DLGAP1: variants seen among roughly 807,000 people sequenced by gnomAD.
DLGAP1 encodes disks large-associated protein 1.
DLGAP1 carries 11 observed loss-of-function variants against 90.8 expected under a neutral mutation model. That is an observed-to-expected ratio of 0.12 (90% CI 0.08 to 0.20). The LOEUF (loss-of-function observed/expected upper bound fraction) is 0.20. DLGAP1 is among the 10% of genes least tolerant of loss of function. The probability of loss-of-function intolerance (pLI) is 1.00; values close to 1 mark genes in which losing one functional copy is unlikely to be tolerated. For synonymous variants in DLGAP1, 558 were observed against 540.7 expected (o/e 1.03, Z -0.44); for missense variants, 1,050 against 1,333.8 (o/e 0.79, Z 3.31).
At chr18:3,584,822 G>A (rs184165168) in intron 7 of DLGAP1, among the ~76,000 whole-genome samples, 43 of 152,254 alleles carry the variant, frequency 2.8e-4, no homozygotes, top group African/African-American at 9.4e-4. Context: ...CACGATCATG[G>A]CTCACTGCAG....
intron 3 of DLGAP1, among the ~76,000 whole-genome samples, chr18:4,003,285 G>A (rs2074234674): frequency 2.0e-5 from 3 of 152,148 alleles, no homozygotes; most frequent in African/African-American, 7.2e-5. Flanking sequence ...AATTGGCCAT[G>A]GGTCCAGATC....
At chr18:3,582,373 G>T in intron 7 of DLGAP1, 125 bp from the exon 8 acceptor site, 1 of 1,437,096 alleles carries the variant, frequency 7.0e-7, no homozygotes, top group Non-Finnish European at 9.3e-7. Flanking sequence ...AGGAAAACAA[G>T]TTCCATTGAC....
intron 3 of DLGAP1, among the ~76,000 whole-genome samples, chr18:3,952,045 G>A (rs773399213): frequency 2.0e-5 from 3 of 152,118 alleles, no homozygotes; most frequent in African/African-American, 7.2e-5. Context: ...AACACAGGAT[G>A]GTAGAAAAAC....
intron 1 of DLGAP1, among the ~76,000 whole-genome samples, chr18:4,347,596 A>T (rs2143933761): frequency 6.6e-6 from 1 of 152,150 alleles, no homozygotes; most frequent in Admixed American, 6.5e-5. Context: ...TATATGCTGA[A>T]AGGCCTTAAT....
intron 1 of DLGAP1, among the ~76,000 whole-genome samples, chr18:4,359,624 C>T (rs1295189503): frequency 1.3e-5 from 2 of 152,124 alleles, no homozygotes; most frequent in African/African-American, 4.8e-5. Context: ...AAGACCTCAG[C>T]CATGGACCTA....
chr18:4,179,779 C>T (rs913827498), intron 1 of DLGAP1, among the ~76,000 whole-genome samples: 21 of 152,288 alleles, frequency 1.4e-4, no homozygotes, highest in African/African-American at 5.1e-4. Context: ...ATCAAAACTT[C>T]TGGCAACTTG....
intron 3 of DLGAP1, among the ~76,000 whole-genome samples, chr18:3,950,642 C>T (rs2072967602): frequency 6.6e-6 from 1 of 152,192 alleles, no homozygotes; most frequent in South Asian, 2.1e-4. Context: ...GAGAACAGAA[C>T]TTCTCAAGCT....
intron 3 of DLGAP1, among the ~76,000 whole-genome samples, chr18:3,937,726 T>A (rs939497242): frequency 2.0e-5 from 3 of 152,194 alleles, no homozygotes; most frequent in Non-Finnish European, 4.4e-5. Flanking sequence ...TGCTGTTTCC[T>A]TATAGGAAGT....
At chr18:3,769,269 G>A (rs982552824) in intron 5 of DLGAP1, among the ~76,000 whole-genome samples, 2 of 152,116 alleles carry the variant, frequency 1.3e-5, no homozygotes, top group African/African-American at 4.8e-5. Flanking sequence ...AGGATTCAAC[G>A]AAAAGGGATC....
chr18:3,728,341 G>A (rs2062271588), intron 7 of DLGAP1, among the ~76,000 whole-genome samples: 3 of 143,216 alleles, frequency 2.1e-5, no homozygotes, highest in Admixed American at 7.0e-5. Context: ...TGTTTCATAT[G>A]CACGCATTGT....
intron 8 of DLGAP1, among the ~76,000 whole-genome samples, chr18:3,570,120 G>T (rs2054680541): frequency 6.6e-6 from 1 of 151,868 alleles, no homozygotes; most frequent in Admixed American, 6.6e-5. Context: ...CTACCTCCCA[G>T]GTTTGTGTAA....
chr18:3,966,622 C>A (rs2073338103), intron 3 of DLGAP1, among the ~76,000 whole-genome samples: 1 of 152,132 alleles, frequency 6.6e-6, no homozygotes, highest in South Asian at 2.1e-4. Flanking sequence ...AAATCCAAGA[C>A]AATGCTTAAG....
chr18:3,506,235 C>T (rs1404292803), intron 11 of DLGAP1, among the ~76,000 whole-genome samples: 11 of 151,770 alleles, frequency 7.2e-5, no homozygotes, highest in South Asian at 6.3e-4. Flanking sequence ...GAAACTCGGC[C>T]GGGCATGGTG....
rs1392319177 is a variant in DLGAP1 at position 3,496,331 on chromosome 18, A to C, written c.*2854T>G. 6.6e-6 allele frequency: 1 copy of C among 152,218 alleles called. No homozygotes were observed. The highest frequency in any genetic ancestry group is 1.5e-5 in the Non-Finnish European group (1 of 68,026). 9.4% of individuals were successfully genotyped at this position (152,218 alleles called of 1,614,324 possible). On this transcript the variant is annotated 3_prime_UTR_variant, in exon 13 of 13. Transcript: ENST00000315677. ...TTTAAAAAAGAAATGGTAAATTCAC[A>C]AGGATAAGGCTTAAATGAAAGTGGT... is the stretch of plus-strand genomic sequence containing the variant.
intron 2 of DLGAP1, among the ~76,000 whole-genome samples, chr18:4,125,319 G>C (rs117983465): frequency 5.3e-5 from 8 of 151,532 alleles, no homozygotes; most frequent in African/African-American, 1.2e-4. Context: ...AGTAGGAAGT[G>C]GGGGGGCTAC....
At chr18:4,108,462 A>G (rs1433265722) in intron 2 of DLGAP1, among the ~76,000 whole-genome samples, 8 of 152,016 alleles carry the variant, frequency 5.3e-5, no homozygotes, top group African/African-American at 9.7e-5. Flanking sequence ...CTCTTTTGTT[A>G]TAGGGGTCTC....
At chr18:3,731,867 T>G (rs1332387927) in intron 6 of DLGAP1, among the ~76,000 whole-genome samples, 1 of 152,144 alleles carries the variant, frequency 6.6e-6, no homozygotes, top group Non-Finnish European at 1.5e-5. Flanking sequence ...AGCAAAACTT[T>G]TCTGGACACC....
chr18:4,382,487 C>CTTTTTTTTTTTTTTTTTTTTT (rs3044414), intron 1 of DLGAP1, among the ~76,000 whole-genome samples: 1 of 140,808 alleles, frequency 7.1e-6, no homozygotes, highest in Non-Finnish European at 1.5e-5. Context: ...CAGCATTATG[C>CTTTTTTTTTTTTTTTTTTTTT]TTTTTTTTTT....
At chr18:3,848,169 G>T in intron 4 of DLGAP1, among the ~76,000 whole-genome samples, 1 of 91,400 alleles carries the variant, frequency 1.1e-5, no homozygotes, top group Non-Finnish European at 2.3e-5. Context: ...GCCAAGGACA[G>T]TAAACACAAA....
Sources: allele counts gnomAD v4.1 joint callset (sites outside exome capture counted in the v4.1 genomes callset), GRCh38; gene constraint gnomAD v4.1.1; transcripts MANE v1.5; gene names NCBI Gene and HGNC (gene_info 2026-07-23, HGNC 2026-07-21).